The following XKR4 variants were observed in gnomAD, a reference collection of about 807,000 sequenced individuals.
XKR4 encodes XK-related protein 4.
Under a neutral mutation model 53.9 loss-of-function variants are expected in XKR4, and 12 were observed. That is an observed-to-expected ratio of 0.22 (90% CI 0.14 to 0.36). The LOEUF (loss-of-function observed/expected upper bound fraction) is 0.36, where lower values mean the gene tolerates loss of function less well. Among genes scored for constraint, XKR4 ranks in the 10% least tolerant of loss-of-function variants. The pLI, the probability that XKR4 is intolerant of heterozygous loss-of-function variation, is 1.00. For missense variants in XKR4, 799 were observed against 859.5 expected (o/e 0.93, Z 0.88); for synonymous variants, 354 against 362.4 (o/e 0.98, Z 0.26).
chr8:55,130,887 C>G (rs921992388), intron 1 of XKR4, among the ~76,000 whole-genome samples: 2 of 151,992 alleles, frequency 1.3e-5, no homozygotes, highest in Non-Finnish European at 2.9e-5. Context: ...CAGACTCTTG[C>G]GGTGGCTCAC....
chr8:55,452,701 T>G, intron 2 of XKR4: 1 of 1,254,300 alleles, frequency 8.0e-7, no homozygotes, highest in Non-Finnish European at 1.2e-6. Flanking sequence ...AAGCGGTTGA[T>G]GAAGTGGACC....
chr8:55,293,270 G>T (rs965367227), intron 1 of XKR4, among the ~76,000 whole-genome samples: 3 of 152,156 alleles, frequency 2.0e-5, no homozygotes, highest in Admixed American at 6.5e-5. Context: ...AAGAGGCAAA[G>T]GTTGCAGTGA....
chr8:55,415,401 T>C (rs1211133860), intron 2 of XKR4, among the ~76,000 whole-genome samples: 1 of 152,184 alleles, frequency 6.6e-6, no homozygotes, highest in East Asian at 1.9e-4. Context: ...AAGTAATGAT[T>C]ATGTCAGAAG....
chr8:55,373,675 T>C (rs936401755), intron 2 of XKR4, among the ~76,000 whole-genome samples: 1 of 152,212 alleles, frequency 6.6e-6, no homozygotes, highest in Non-Finnish European at 1.5e-5. Flanking sequence ...TCCTCTATGA[T>C]GTCAATGGAA....
rs756353393 is a variant in XKR4 at position 55,102,458 on chromosome 8, A to G, written c.-31A>G. 9.1e-6 allele frequency: 14 copies of G among 1,531,292 alleles called. No homozygotes were observed. The highest frequency in any genetic ancestry group is 1.4e-5 in the African/African-American group (1 of 69,462). The allele number at this position is 1,531,292 out of a possible 1,614,324, so 94.9% of individuals were successfully genotyped here. A position where few individuals can be genotyped will look rare whatever the true frequency, so the allele number is the denominator to read the frequency against. ...AGACAGCGGGGAAAGGTGTCAGATAAAGGAGGGCTCTCCTCCGGTGTGGAG... is the reference window on the plus strand; with the variant it reads ...AGACAGCGGGGAAAGGTGTCAGATAGAGGAGGGCTCTCCTCCGGTGTGGAG... On this transcript the variant is annotated 5_prime_UTR_variant, in exon 1 of 3. Coordinates refer to ENST00000327381, the MANE Select transcript of XKR4 (RefSeq NM_052898.2). This position sits in a 1 kb window ranked among gnomAD's most constrained non-coding sequence, Gnocchi z 5.1.
chr8:55,317,524 A>G (rs1034306030), intron 1 of XKR4, among the ~76,000 whole-genome samples: 6 of 152,242 alleles, frequency 3.9e-5, no homozygotes, highest in African/African-American at 1.4e-4. Context: ...CATAAAATAA[A>G]GAGTTTTCAT....
In XKR4 at chr8:55,527,959, T is replaced by A. The variant is rs1806900308; in HGVS notation, c.*3732T>A. On this transcript the variant is annotated 3_prime_UTR_variant, in exon 3 of 3. Transcript: ENST00000327381. ...GATATGTGCCTTTTAAGTGTGTTTG[T>A]GTACATACATATATGTATATATACG... 6.6e-6 allele frequency: 1 copy of A among 152,212 alleles called. No homozygotes were observed. Among genetic ancestry groups the A allele is most frequent in the East Asian group, 1.9e-4 (1 of 5,204 alleles). 9.4% of individuals were successfully genotyped at this position (152,212 alleles called of 1,614,324 possible).
At chr8:55,418,841 C>A (rs1240728848) in intron 2 of XKR4, among the ~76,000 whole-genome samples, 1 of 152,114 alleles carries the variant, frequency 6.6e-6, no homozygotes, top group East Asian at 1.9e-4. Flanking sequence ...TCATCACGAC[C>A]TTCCTGCCCG....
At chr8:55,348,367 G>A (rs891735289) in intron 1 of XKR4, among the ~76,000 whole-genome samples, 4 of 152,104 alleles carry the variant, frequency 2.6e-5, no homozygotes, top group Non-Finnish European at 4.4e-5. Context: ...TGTGAGGGAG[G>A]GACAGCCATC....
intron 1 of XKR4, among the ~76,000 whole-genome samples, chr8:55,184,616 C>G (rs1200679186): frequency 6.6e-6 from 1 of 152,150 alleles, no homozygotes; most frequent in Non-Finnish European, 1.5e-5. Flanking sequence ...TACATTGGCT[C>G]TTCTTTGGAA....
chr8:55,329,957 T>C (rs1419112973), intron 1 of XKR4, among the ~76,000 whole-genome samples: 1 of 152,194 alleles, frequency 6.6e-6, no homozygotes, highest in Non-Finnish European at 1.5e-5. Context: ...AGGCTCCATA[T>C]GGAAAATAAG....
At chr8:55,242,428 A>G (rs1818223359) in intron 1 of XKR4, among the ~76,000 whole-genome samples, 1 of 152,220 alleles carries the variant, frequency 6.6e-6, no homozygotes, top group African/African-American at 2.4e-5. Flanking sequence ...ACTGGAACTC[A>G]GGATTTGGAT....
chr8:55,248,039 T>A (rs2129369264), intron 1 of XKR4, among the ~76,000 whole-genome samples: 1 of 151,560 alleles, frequency 6.6e-6, no homozygotes, highest in East Asian at 1.9e-4. Flanking sequence ...GTATTTTTAG[T>A]AGAGATGGGG....
At chr8:55,354,989 C>G (rs1294672472) in intron 1 of XKR4, among the ~76,000 whole-genome samples, 3 of 151,290 alleles carry the variant, frequency 2.0e-5, no homozygotes, top group Non-Finnish European at 4.4e-5. Context: ...CTGCAACCTC[C>G]GCCTCCTGGG....
chr8:55,459,183 GTAATTTCAACAAATGATGC>G (rs1805612481), intron 2 of XKR4, among the ~76,000 whole-genome samples: 1 of 151,866 alleles, frequency 6.6e-6, no homozygotes, highest in Non-Finnish European at 1.5e-5. Context: ...GAAAAGGAGA[GTAATTTCAACAAATGATGC>G]TAAAACAATT....
At chr8:55,169,558 G>T (rs1817120822) in intron 1 of XKR4, among the ~76,000 whole-genome samples, 1 of 152,168 alleles carries the variant, frequency 6.6e-6, no homozygotes, top group South Asian at 2.1e-4. Context: ...GGATTATGTA[G>T]GGGTACCAGG....
chr8:55,432,294 A>G (rs1030365085), intron 2 of XKR4, among the ~76,000 whole-genome samples: 2 of 152,194 alleles, frequency 1.3e-5, no homozygotes, highest in Non-Finnish European at 2.9e-5. Flanking sequence ...ACCTCTCTGC[A>G]TTTGTCTCCT....
At chr8:55,300,934 T>C (rs1819184519) in intron 1 of XKR4, among the ~76,000 whole-genome samples, 1 of 152,168 alleles carries the variant, frequency 6.6e-6, no homozygotes, top group Admixed American at 6.5e-5. Flanking sequence ...ATAATAGTGA[T>C]GAAATGAGGT....
intron 2 of XKR4, among the ~76,000 whole-genome samples, chr8:55,397,267 T>C (rs757537999): frequency 2.0e-5 from 3 of 152,188 alleles, no homozygotes; most frequent in African/African-American, 7.2e-5. Flanking sequence ...ATAATATGAG[T>C]AGTATTTAAA....
Sources: gnomAD v4.1 joint callset for allele counts (sites outside exome capture counted in the v4.1 genomes callset) on GRCh38, gnomAD v4.1.1 for gene constraint, Gnocchi (gnomAD v3.1) non-coding constraint, MANE v1.5 for transcripts, NCBI Gene and HGNC (gene_info 2026-07-23, HGNC 2026-07-21) for gene names.